AGMO: variants seen among roughly 807,000 people sequenced by gnomAD.
AGMO encodes glyceryl-ether monooxygenase.
AGMO carries 75 observed loss-of-function variants against 60.2 expected under a neutral mutation model. That is an observed-to-expected ratio of 1.25 (90% CI 1.03 to 1.51). The LOEUF is 1.51. AGMO is among the 40% of genes most tolerant of loss of function. AGMO has a pLI of 0.00. For missense variants in AGMO, 763 were observed against 525.5 expected, an observed-to-expected ratio of 1.45 and a Z score of -4.42; for synonymous variants, 261 against 177.1, an observed-to-expected ratio of 1.47 and a Z score of -3.76.
chr7:15,414,668 T>G, intron 5 of AGMO, among the ~76,000 whole-genome samples: 1 of 152,120 alleles, frequency 6.6e-6, no homozygotes, highest in East Asian at 1.9e-4. Context: ...AAACTGTCTT[T>G]ATTCAAAGAC....
At chr7:15,251,149 G>T (rs144414501) in intron 12 of AGMO, among the ~76,000 whole-genome samples, 2 of 152,018 alleles carry the variant, frequency 1.3e-5, no homozygotes, top group East Asian at 3.9e-4. Context: ...CTCTTTCTTT[G>T]GGACAGCCTT....
At chr7:15,330,499 A>G (rs896693893) in intron 12 of AGMO, among the ~76,000 whole-genome samples, 1 of 152,122 alleles carries the variant, frequency 6.6e-6, no homozygotes, top group African/African-American at 2.4e-5. Flanking sequence ...GCAGTCATGT[A>G]TGTCATCATT....
At chr7:15,554,125 A>T (rs1785059130) in intron 2 of AGMO, among the ~76,000 whole-genome samples, 1 of 152,132 alleles carries the variant, frequency 6.6e-6, no homozygotes, top group Non-Finnish European at 1.5e-5. Context: ...GGATTGCAGA[A>T]AATAGCACCT....
chr7:15,421,000 G>C (rs1780907213), intron 4 of AGMO, among the ~76,000 whole-genome samples: 1 of 152,182 alleles, frequency 6.6e-6, no homozygotes, highest in Admixed American at 6.6e-5. Flanking sequence ...GGCGATCTAA[G>C]GCTAACAGAC....
the AGMO span, among the ~76,000 whole-genome samples, chr7:15,121,428 A>G: frequency 6.6e-6 from 1 of 152,066 alleles, no homozygotes; most frequent in African/African-American, 2.4e-5. Context: ...ACTAATTTAC[A>G]CTCCCACCAA....
intron 3 of AGMO, among the ~76,000 whole-genome samples, chr7:15,470,239 T>C (rs2128512190): frequency 6.6e-6 from 1 of 152,172 alleles, no homozygotes; most frequent in East Asian, 1.9e-4. Context: ...TAGAAGATTA[T>C]ATTTAACCAT....
chr7:15,327,392 G>T (rs1026616184), intron 12 of AGMO, among the ~76,000 whole-genome samples: 1 of 152,074 alleles, frequency 6.6e-6, no homozygotes, highest in Non-Finnish European at 1.5e-5. Flanking sequence ...GCTTGGAACC[G>T]GATACAAAAA....
chr7:15,358,370 G>A (rs1405750798), intron 12 of AGMO: 5 of 469,140 alleles, frequency 1.1e-5, no homozygotes, highest in Admixed American at 2.4e-5. Context: ...CTGCCCAGAC[G>A]AGATGATAAC....
chr7:15,139,820 CAAA>C, the AGMO span, among the ~76,000 whole-genome samples: 6 of 66,294 alleles, frequency 9.1e-5, no homozygotes, highest in Admixed American at 3.8e-4. Context: ...TCTCAAAAGA[CAAA>C]AAAAAAAAAA....
At chr7:15,449,837 T>C (rs1356093016) in intron 3 of AGMO, among the ~76,000 whole-genome samples, 2 of 152,174 alleles carry the variant, frequency 1.3e-5, no homozygotes, top group African/African-American at 4.8e-5. Flanking sequence ...TAAAGTCAAG[T>C]CCACAAAATA....
intron 9 of AGMO, among the ~76,000 whole-genome samples, chr7:15,386,540 CAT>C (rs1237537015): frequency 6.6e-6 from 1 of 152,072 alleles, no homozygotes; most frequent in Non-Finnish European, 1.5e-5. Context: ...GAATTGTGAA[CAT>C]AAACGGAAGT....
intron 2 of AGMO, among the ~76,000 whole-genome samples, chr7:15,554,216 C>T (rs545252927): frequency 2.6e-5 from 4 of 152,088 alleles, no homozygotes; most frequent in South Asian, 2.1e-4. Flanking sequence ...CCCCCTTACC[C>T]CTTCCACCCT....
At chr7:15,204,949 T>G (rs1200519243) in intron 12 of AGMO, among the ~76,000 whole-genome samples, 1 of 152,264 alleles carries the variant, frequency 6.6e-6, no homozygotes, top group African/African-American at 2.4e-5. Flanking sequence ...CATCTCAGCC[T>G]CCCTAGTTGG....
At chr7:15,392,777 C>A (rs1460826162) in intron 6 of AGMO, among the ~76,000 whole-genome samples, 1 of 150,828 alleles carries the variant, frequency 6.6e-6, no homozygotes, top group Non-Finnish European at 1.5e-5. Flanking sequence ...CCAGCCTGGG[C>A]GACAGAATGA....
chr7:15,185,884 G>A, the AGMO span, among the ~76,000 whole-genome samples: 4 of 152,170 alleles, frequency 2.6e-5, no homozygotes, highest in East Asian at 3.9e-4. Flanking sequence ...TTCGAGGTAT[G>A]CTTTCTTCTC....
At chr7:15,225,153 C>A (rs1266024978) in intron 12 of AGMO, among the ~76,000 whole-genome samples, 2 of 151,226 alleles carry the variant, frequency 1.3e-5, no homozygotes, top group Non-Finnish European at 2.9e-5. Flanking sequence ...TTTTTATTTA[C>A]CATCAGACGA....
At chr7:15,193,087 C>T in the AGMO span, among the ~76,000 whole-genome samples, 124 of 151,858 alleles carry the variant, frequency 8.2e-4, no homozygotes, top group African/African-American at 2.6e-3. Context: ...TAAAATTATC[C>T]GTATTCTTAT....
the AGMO span, among the ~76,000 whole-genome samples, chr7:15,144,542 G>T: frequency 6.6e-6 from 1 of 152,186 alleles, no homozygotes; most frequent in Admixed American, 6.5e-5. Flanking sequence ...CTTAATACGT[G>T]TACGTGTATA....
chr7:15,323,909 A>G (rs1034545975), intron 12 of AGMO, among the ~76,000 whole-genome samples: 3 of 152,342 alleles, frequency 2.0e-5, no homozygotes, highest in African/African-American at 4.8e-5. Flanking sequence ...TGAAACGTCA[A>G]TGTTCTTGCT....
Sources: allele counts gnomAD v4.1 joint callset (sites outside exome capture counted in the v4.1 genomes callset), GRCh38; gene constraint gnomAD v4.1.1; transcripts MANE v1.5; gene names NCBI Gene and HGNC (gene_info 2026-07-23, HGNC 2026-07-21).